LCE3D: variants seen among roughly 807,000 people sequenced by gnomAD.
LCE3D encodes late cornified envelope protein 3D.
For synonymous variants in LCE3D, 46 were observed against 47.3 expected (o/e 0.97, Z 0.11); for missense variants, 124 against 121.1 (o/e 1.02, Z -0.11).
In LCE3D at chr1:152,579,631, T is replaced by A; in HGVS notation, c.*27A>T. Reference sequence around the variant, plus strand: ...CTTGGGATTCTTGTTTCCTCCAAAATCGCTTGTCTCAGCATCAGGATCCAG... The same window carrying A: ...CTTGGGATTCTTGTTTCCTCCAAAAACGCTTGTCTCAGCATCAGGATCCAG... On this transcript the variant is annotated 3_prime_UTR_variant, in exon 2 of 2. Transcript: ENST00000368787. 6.2e-7 allele frequency: 1 copy of A among 1,613,310 alleles called. No individual in the cohort carries two copies. Among genetic ancestry groups the A allele is most frequent in the Non-Finnish European group, 8.5e-7 (1 of 1,179,920 alleles).
rs1660172969 is a variant in LCE3D at position 152,579,408 on chromosome 1, T to A, written c.*250A>T. 1.7e-6 allele frequency: 1 copy of A among 600,412 alleles called. No individual in the cohort carries two copies. Among genetic ancestry groups the A allele is most frequent in the Middle Eastern group, 4.4e-4 (1 of 2,254 alleles). The allele number at this position is 600,412 out of a possible 1,614,324, so 37.2% of individuals were successfully genotyped here. On this transcript the variant is annotated 3_prime_UTR_variant, in exon 2 of 2. Transcript: ENST00000368787. ...GTAATGAGGACAAGGAGCTTTATTT[T>A]TTGATGAGGTCAGGCACAAGCACTG... is the stretch of plus-strand genomic sequence containing the variant.
rs374860616 is a variant in LCE3D at position 152,579,685 on chromosome 1, G to T, written c.252C>A (p.Cys84Ter). 5.0e-6 allele frequency: 8 copies of T among 1,613,692 alleles called. No individual in the cohort carries two copies. Among genetic ancestry groups the T allele is most frequent in the Non-Finnish European group, 5.9e-6 (7 of 1,180,000 alleles). The change falls in exon 2 of 2, where the codon TGC becomes TGA. Residue 84 changes from cysteine to a stop codon, truncating the protein, a stop_gained. Transcript: ENST00000368787. LOFTEE classifies it high-confidence loss of function. Reference protein sequence around the residue: ...GSGQQGGGSGCGHGSGGCC With the variant: ...GSGQQGGGSG The stretch of plus-strand genomic sequence containing the variant: ...AGCAGCAGCCTCCAGAGCCATGGCC[G>T]CAGCCAGAGCCCCCGCCTTGCTGAC...
rs537243351 is a variant in LCE3D at position 152,579,510 on chromosome 1, G to A, written c.*148C>T. On this transcript the variant is annotated 3_prime_UTR_variant, in exon 2 of 2. Coordinates refer to ENST00000368787, the MANE Select transcript of LCE3D (RefSeq NM_032563.2). ...AGACAGGAAGTGCCTTCTGGGGAGA[G>A]CTCAGACCTTCCACAGGAAAACCCC... The A allele has an allele frequency of 3.2e-6, 4 of 1,262,344 alleles. No homozygotes were observed. The East Asian group carries it at 6.9e-5, about 22-fold the overall frequency. 78.2% of individuals were successfully genotyped at this position (1,262,344 alleles called of 1,614,324 possible). A position where few individuals can be genotyped will look rare whatever the true frequency, so the allele number is the denominator to read the frequency against.
Position 152,579,945 on chromosome 1 carries a change from G to A in LCE3D, c.-9C>T. 6.2e-7 allele frequency: 1 copy of A among 1,613,866 alleles called. No individual in the cohort carries two copies. The highest frequency in any genetic ancestry group is 8.5e-7 in the Non-Finnish European group (1 of 1,180,030). On this transcript the variant is annotated 5_prime_UTR_variant, in exon 2 of 2. Coordinates refer to ENST00000368787, the MANE Select transcript of LCE3D (RefSeq NM_032563.2). ...TTCTGCTGGCAGGACATCTTGGCAG[G>A]AGTTGAGTTGTCCTGGACAAAACAA...
intron 1 of LCE3D, 58 bp downstream of exon 1, chr1:152,580,411 A>C: frequency 5.6e-6 from 1 of 179,682 alleles, no homozygotes; most frequent in Non-Finnish European, 1.2e-5. Context: ...TCCTGCTATG[A>C]CCTTAGTTTT....
Position 152,579,705 on chromosome 1 carries a change from G to A in LCE3D, c.232C>T (p.Gln78Ter), listed in dbSNP as rs770337964. The A allele has an allele frequency of 2.5e-6, 4 of 1,613,878 alleles. No homozygotes were observed. The South Asian group carries it at 4.4e-5, about 18-fold the overall frequency. ...PNSCDRGSGQQGGGSGCGHGS... is the reference protein window; with the variant it reads ...PNSCDRGSGQ ...TGGCCGCAGCCAGAGCCCCCGCCTTGCTGACCACTGCCCCTGTCACAGGAG... is the reference window on the plus strand; with the variant it reads ...TGGCCGCAGCCAGAGCCCCCGCCTTACTGACCACTGCCCCTGTCACAGGAG... The change falls in exon 2 of 2, where the codon CAA (glutamine) becomes TAA (stop). Residue 78 changes from glutamine to a stop codon, truncating the protein, a stop_gained. Coordinates refer to ENST00000368787, the MANE Select transcript of LCE3D (RefSeq NM_032563.2). LOFTEE classifies it high-confidence loss of function.
Position 152,579,529 on chromosome 1 carries a change from A to C in LCE3D, c.*129T>G. 8 of 1,452,562 alleles carry C rather than the reference A, an allele frequency of 5.5e-6. No individual in the cohort carries two copies. The South Asian group carries it at 1.0e-4, about 19-fold the overall frequency. 90.0% of individuals were successfully genotyped at this position (1,452,562 alleles called of 1,614,324 possible). A position where few individuals can be genotyped will look rare whatever the true frequency, so the allele number is the denominator to read the frequency against. On this transcript the variant is annotated 3_prime_UTR_variant, in exon 2 of 2. Coordinates refer to ENST00000368787, the MANE Select transcript of LCE3D (RefSeq NM_032563.2). ...GGGAGAGCTCAGACCTTCCACAGGA[A>C]AACCCCTAGCTCAGCCTGTGAAAGC...
At chr1:152,580,037 C>T in intron 1 of LCE3D, 80 bp from the exon 2 acceptor site, 1 of 1,564,004 alleles carries the variant, frequency 6.4e-7, no homozygotes, top group Non-Finnish European at 8.7e-7. Flanking sequence ...GAGGCAAGAG[C>T]TGCAGGAAGG....
intron 1 of LCE3D, 40 bp from the exon 2 acceptor site, chr1:152,579,997 G>T: frequency 6.2e-7 from 1 of 1,612,100 alleles, no homozygotes; most frequent in South Asian, 1.1e-5. Flanking sequence ...AAAATCTACA[G>T]TCCAATGTCT....
In LCE3D at chr1:152,579,609, G is replaced by A. The variant is rs1185840668; in HGVS notation, c.*49C>T. On this transcript the variant is annotated 3_prime_UTR_variant, in exon 2 of 2. Transcript: ENST00000368787. ...CAAGATGGGGTTTTCCTGGGCCCTT[G>A]GGATTCTTGTTTCCTCCAAAATCGC... 6.2e-7 allele frequency: 1 copy of A among 1,611,972 alleles called. No individual in the cohort carries two copies. Among genetic ancestry groups the A allele is most frequent in the Admixed American group, 1.7e-5 (1 of 59,106 alleles).
Position 152,579,668 on chromosome 1 carries a change from C to T in LCE3D, c.269G>A (p.Gly90Asp). ...GCATCAGGATCCAGGTCAGCAGCAG[C>T]CTCCAGAGCCATGGCCGCAGCCAGA... is the stretch of plus-strand genomic sequence containing the variant. The part of the protein sequence containing the change: ...GGSGCGHGSG[G>D]CC The change falls in exon 2 of 2, where the codon GGC becomes GAC. Residue 90 changes from glycine to aspartate, a missense_variant. Physicochemically the swap from Gly to Asp is moderately conservative, Grantham distance 94. Coordinates refer to ENST00000368787, the MANE Select transcript of LCE3D (RefSeq NM_032563.2). 2 of 1,613,786 alleles carry T rather than the reference C, an allele frequency of 1.2e-6. No individual in the cohort carries two copies. Among genetic ancestry groups the T allele is most frequent in the Non-Finnish European group, 8.5e-7 (1 of 1,179,996 alleles).
chr1:152,579,927 G>T lies in LCE3D; in HGVS notation c.10C>A (p.Gln4Lys), dbSNP rs146097800. The change falls in exon 2 of 2, where the codon CAG becomes AAG. Residue 4 changes from glutamine to lysine, a missense_variant. By Grantham distance (53) the Gln-to-Lys change is moderately conservative. Transcript: ENST00000368787. Reference protein sequence around the residue: MSCQQNQQQCQPPP... With the variant: MSCKQNQQQCQPPP... ...GGTTGGCACTGCTGCTGGTTCTGCT[G>T]GCAGGACATCTTGGCAGGAGTTGAG... 2 of 1,613,800 alleles carry T rather than the reference G, an allele frequency of 1.2e-6. No homozygotes were observed. The highest frequency in any genetic ancestry group is 2.7e-5 in the African/African-American group (2 of 74,926).
chr1:152,579,488 C>A lies in LCE3D; in HGVS notation c.*170G>T, dbSNP rs868258040. 2.1e-6 allele frequency: 2 copies of A among 970,894 alleles called. No homozygotes were observed. The highest frequency in any genetic ancestry group is 4.9e-5 in the East Asian group (2 of 40,818). 60.1% of individuals were successfully genotyped at this position (970,894 alleles called of 1,614,324 possible). ...AACATGTGACATCCTGGACATCAGA[C>A]AGGAAGTGCCTTCTGGGGAGAGCTC... On this transcript the variant is annotated 3_prime_UTR_variant, in exon 2 of 2. Coordinates refer to ENST00000368787, the MANE Select transcript of LCE3D (RefSeq NM_032563.2).
At position 152,579,853 on chromosome 1, in the gene LCE3D, C is replaced by A. The variant is rs1262135727; in HGVS notation, c.84G>T (p.Gln28His). ...SPKCPPKSPV[Q>H]CLPPASSGCA... Reference sequence around the variant, plus strand: ...AGCCAGAGGAAGCTGGAGGCAGACACTGTACTGGGCTCTTTGGGGGACACT... The same window carrying A: ...AGCCAGAGGAAGCTGGAGGCAGACAATGTACTGGGCTCTTTGGGGGACACT... The change falls in exon 2 of 2, where the codon CAG becomes CAT. Residue 28 changes from glutamine (Q) to histidine (H), a missense_variant. Coordinates refer to ENST00000368787, the MANE Select transcript of LCE3D (RefSeq NM_032563.2). 13 of 1,613,810 alleles carry A rather than the reference C, an allele frequency of 8.1e-6. No individual in the cohort carries two copies. Among genetic ancestry groups the A allele is most frequent in the Non-Finnish European group, 3.4e-6 (4 of 1,180,054 alleles).
At chr1:152,580,394 T>G in intron 1 of LCE3D, 75 bp downstream of exon 1, 1 of 194,344 alleles carries the variant, frequency 5.1e-6, no homozygotes, top group Non-Finnish European at 1.1e-5. Context: ...ATCTCTCCAT[T>G]TCCCTCTCCT....
Position 152,579,761 on chromosome 1 carries a change from C to G in LCE3D, c.176G>C (p.Arg59Pro). ...EGGCFLNHHR[R>P]HHRCRRQRPN... ...CCTCTGGCGCCGGCATCGGTGGTGG[C>G]GCCTGTGGTGGTTCAGGAAGCAGCC... The change falls in exon 2 of 2, where the codon CGC (arginine) becomes CCC (proline). Residue 59 changes from arginine to proline, a missense_variant. Arg to Pro is a moderately radical substitution (Grantham distance 103). Coordinates refer to ENST00000368787, the MANE Select transcript of LCE3D (RefSeq NM_032563.2). 6.2e-7 allele frequency: 1 copy of G among 1,613,782 alleles called. No homozygotes were observed. The highest frequency in any genetic ancestry group is 1.1e-5 in the South Asian group (1 of 91,066).
chr1:152,579,569 T>G lies in LCE3D; in HGVS notation c.*89A>C. On this transcript the variant is annotated 3_prime_UTR_variant, in exon 2 of 2. Transcript: ENST00000368787. ...CCTGTGAAAGCCAGAAGAGGGTATCTGGGAACTCATGCATCAAGATGGGGT... is the reference window on the plus strand; with the variant it reads ...CCTGTGAAAGCCAGAAGAGGGTATCGGGGAACTCATGCATCAAGATGGGGT... 6.3e-7 allele frequency: 1 copy of G among 1,586,166 alleles called. No individual in the cohort carries two copies.
In LCE3D at chr1:152,579,543, G is replaced by C. The variant is rs1660175931; in HGVS notation, c.*115C>G. On this transcript the variant is annotated 3_prime_UTR_variant, in exon 2 of 2. Transcript: ENST00000368787. ...CTTCCACAGGAAAACCCCTAGCTCA[G>C]CCTGTGAAAGCCAGAAGAGGGTATC... The C allele has an allele frequency of 6.6e-7, 1 of 1,520,456 alleles. No homozygotes were observed. The highest frequency in any genetic ancestry group is 1.4e-5 in the African/African-American group (1 of 72,712). The allele number at this position is 1,520,456 out of a possible 1,614,324, so 94.2% of individuals were successfully genotyped here.
Position 152,579,875 on chromosome 1 carries a change from C to T in LCE3D, c.62G>A (p.Cys21Tyr). Reference sequence around the variant, plus strand: ...ACACTGTACTGGGCTCTTTGGGGGACACTTGGGTGAGGGACACTTGGGTGG... The same window carrying T: ...ACACTGTACTGGGCTCTTTGGGGGATACTTGGGTGAGGGACACTTGGGTGG... ...QPPPKCPSPK[C>Y]PPKSPVQCLP... The change falls in exon 2 of 2, where the codon TGT becomes TAT. Residue 21 changes from cysteine (C) to tyrosine (Y), a missense_variant. Coordinates refer to ENST00000368787, the MANE Select transcript of LCE3D (RefSeq NM_032563.2). 6.2e-7 allele frequency: 1 copy of T among 1,613,862 alleles called. No individual in the cohort carries two copies. The highest frequency in any genetic ancestry group is 8.5e-7 in the Non-Finnish European group (1 of 1,180,028).
Sources: gnomAD v4.1 joint callset for allele counts on GRCh38, gnomAD v4.1.1 for gene constraint, MANE v1.5 for transcripts, NCBI Gene and HGNC (gene_info 2026-07-23, HGNC 2026-07-21) for gene names.